The following DYM variants were observed in gnomAD, a reference collection of about 807,000 sequenced individuals.
DYM encodes the protein dymeclin.
Under a neutral mutation model 93.1 loss-of-function variants are expected in DYM, and 78 were observed. That is an observed-to-expected ratio of 0.84 (90% confidence interval 0.70 to 1.01). DYM has a LOEUF of 1.01. Ranked by LOEUF, DYM falls within the 50% of genes least tolerant of loss-of-function variation. The pLI is 0.00. For missense variants in DYM, 789 were observed against 845.0 expected (o/e 0.93, Z 0.82); for synonymous variants, 321 against 319.7 (o/e 1.00, Z -0.04).
intron 2 of DYM, among the ~76,000 whole-genome samples, chr18:49,394,404 C>G (rs566924577): frequency 1.3e-5 from 2 of 152,120 alleles, no homozygotes; most frequent in South Asian, 4.2e-4. Context: ...TTTTTTTATA[C>G]CAGTACCATG....
chr18:49,451,396 A>G (rs1451209805), intron 1 of DYM, among the ~76,000 whole-genome samples: 1 of 152,174 alleles, frequency 6.6e-6, no homozygotes, highest in African/African-American at 2.4e-5. Flanking sequence ...CAGAGCTGAA[A>G]AAGCCCCATG....
At chr18:49,346,317 T>C (rs1353600613) in intron 6 of DYM, among the ~76,000 whole-genome samples, 1 of 152,210 alleles carries the variant, frequency 6.6e-6, no homozygotes, top group Non-Finnish European at 1.5e-5. Flanking sequence ...TACTGGTACA[T>C]ATTATATAAC....
chr18:49,052,748 C>T (rs1328967668), intron 17 of DYM, among the ~76,000 whole-genome samples: 4 of 152,222 alleles, frequency 2.6e-5, no homozygotes, highest in African/African-American at 9.6e-5. Flanking sequence ...TCTAAGAACC[C>T]CTTTGGGCTC....
chr18:49,342,403 C>T (rs1009830735), intron 6 of DYM, among the ~76,000 whole-genome samples: 1 of 150,284 alleles, frequency 6.7e-6, no homozygotes, highest in Non-Finnish European at 1.5e-5. Context: ...TCTACAACAT[C>T]ACTTTTGACA....
At chr18:49,277,188 G>C (rs137926081) in intron 10 of DYM, among the ~76,000 whole-genome samples, 2 of 152,260 alleles carry the variant, frequency 1.3e-5, no homozygotes, top group African/African-American at 4.8e-5. Context: ...ATGGATATGA[G>C]ATACAGGTAA....
At chr18:49,201,104 A>T (rs922701362) in intron 14 of DYM, among the ~76,000 whole-genome samples, 2 of 152,192 alleles carry the variant, frequency 1.3e-5, no homozygotes, top group African/African-American at 4.8e-5. Flanking sequence ...TGATTACACA[A>T]AGCTTTTAAT....
intron 8 of DYM, among the ~76,000 whole-genome samples, chr18:49,329,991 T>C (rs1474158211): frequency 1.3e-5 from 2 of 152,240 alleles, no homozygotes; most frequent in Non-Finnish European, 2.9e-5. Context: ...CTTGATTGAC[T>C]TTCCTGGAAT....
intron 10 of DYM, among the ~76,000 whole-genome samples, chr18:49,278,935 C>T (rs1410651400): frequency 6.6e-6 from 1 of 152,166 alleles, no homozygotes; most frequent in Non-Finnish European, 1.5e-5. Flanking sequence ...AAATGTCTAG[C>T]TGCTTTTCTT....
In DYM at chr18:49,101,825, T is replaced by C. The variant is rs936593246; in HGVS notation, c.1912-4310A>G. On this transcript the variant is annotated intron_variant, in intron 16 of 17. Transcript: ENST00000675505. ...CAGGGAAATAAATAGATGATACCAT[T>C]TTCTCTCTTGAAGAAAGACACAGTG... is the stretch of plus-strand genomic sequence containing the variant. Among the ~76,000 whole-genome samples, 20 of 152,158 alleles carry C rather than the reference T, an allele frequency of 1.3e-4. No homozygotes were observed. The East Asian group carries it at 3.8e-3, about 29-fold the overall frequency.
chr18:49,044,203 T>A lies in DYM; in HGVS notation c.2027A>T (p.Lys676Ile). 1 of 1,614,116 alleles carries A rather than the reference T, an allele frequency of 6.2e-7. No individual in the cohort carries two copies. Among genetic ancestry groups the A allele is most frequent in the Non-Finnish European group, 8.5e-7 (1 of 1,180,020 alleles). Reference protein sequence around the residue: ...VVALPKDRLKKFPELKFKYVE... With the variant: ...VVALPKDRLKIFPELKFKYVE... ...ATATTTGAATTTCAATTCTGGAAAT[T>A]TCTGCAATGAAAATAAGATGATTTT... The change falls in exon 18 of 18, where the codon AAA (lysine) becomes ATA (isoleucine). Residue 676 changes from lysine to isoleucine, a missense_variant and splice_region_variant. This residue lies in a region of DYM where 114 missense variants were observed against 105.8 expected (regional missense o/e 1.08). Coordinates refer to ENST00000675505, the MANE Select transcript of DYM (RefSeq NM_001353214.3).
rs61299099 is a variant in DYM, at chr18:49,166,989, CGTGTGTGTGTGTGTGTGTGTGT to C, written c.1626-3224_1626-3203del. Among the ~76,000 whole-genome samples the C allele has an allele frequency of 3.5e-5, 5 of 141,924 alleles. No homozygotes were observed. In the East Asian group the frequency reaches 8.5e-4, roughly 24 times the overall value. 93.1% of individuals were successfully genotyped at this position (141,924 alleles called of 152,430 possible). A position where few individuals can be genotyped will look rare whatever the true frequency, so the allele number is the denominator to read the frequency against. ...ACCTGGGATGTTCATTCTCACATTC[CGTGTGTGTGTGTGTGTGTGTGT>C]GTGTGTGTGTGTGTGTGTGTGTGCG... is the stretch of plus-strand genomic sequence containing the variant. On this transcript the variant is annotated intron_variant, in intron 14 of 17. Coordinates refer to ENST00000675505, the MANE Select transcript of DYM (RefSeq NM_001353214.3).
At chr18:49,216,668 C>T (rs2093065989) in intron 13 of DYM, among the ~76,000 whole-genome samples, 1 of 152,166 alleles carries the variant, frequency 6.6e-6, no homozygotes, top group East Asian at 1.9e-4. Flanking sequence ...CTCTAGCAAA[C>T]TCCAACAGAC....
intron 16 of DYM, among the ~76,000 whole-genome samples, chr18:49,103,327 G>C (rs28831445): frequency 1.3e-5 from 2 of 151,964 alleles, no homozygotes; most frequent in Non-Finnish European, 2.9e-5. Context: ...TTGTCAGATG[G>C]GTAGATGGCA....
At chr18:49,459,498 C>A (rs1204073002) in intron 1 of DYM, among the ~76,000 whole-genome samples, 1 of 152,108 alleles carries the variant, frequency 6.6e-6, no homozygotes, top group Non-Finnish European at 1.5e-5. Context: ...AGCCTAAGCA[C>A]CTGAGTTCCT....
intron 1 of DYM, among the ~76,000 whole-genome samples, chr18:49,459,682 T>C (rs1229285769): frequency 6.6e-6 from 1 of 152,138 alleles, no homozygotes; most frequent in African/African-American, 2.4e-5. Flanking sequence ...TGCTGGCCGA[T>C]TACAATCATC....
chr18:49,423,361 A>C (rs899452188), intron 2 of DYM, among the ~76,000 whole-genome samples: 1 of 152,264 alleles, frequency 6.6e-6, no homozygotes, highest in Non-Finnish European at 1.5e-5. Flanking sequence ...ACAAAGACAC[A>C]ACATACCAGA....
In DYM at chr18:49,379,776, G is replaced by A; in HGVS notation, c.194-18C>T. 1 of 1,570,786 alleles carries A rather than the reference G, an allele frequency of 6.4e-7. No individual in the cohort carries two copies. Among genetic ancestry groups the A allele is most frequent in the Non-Finnish European group, 8.8e-7 (1 of 1,141,376 alleles). ...GTTTTCAACTGCAAGAGAAGAAAAG[G>A]TTTTAAAAAGTTAAATTTAAGAACT... On this transcript the variant is annotated intron_variant, in intron 3 of 17. Coordinates refer to ENST00000675505, the MANE Select transcript of DYM (RefSeq NM_001353214.3).
At chr18:49,272,067 C>A in intron 11 of DYM, 111 bp downstream of exon 11, 18 of 749,924 alleles carry the variant, frequency 2.4e-5, no homozygotes, top group Admixed American at 4.8e-5. Flanking sequence ...ATTTCTAATA[C>A]AGGTTCTCAC....
chr18:49,091,526 GA>G (rs1249409314), intron 17 of DYM, among the ~76,000 whole-genome samples: 2 of 152,074 alleles, frequency 1.3e-5, no homozygotes, highest in African/African-American at 4.8e-5. Flanking sequence ...GGTGTGTTTG[GA>G]GCAATTACCT....
Sources: allele counts gnomAD v4.1 joint callset (sites outside exome capture counted in the v4.1 genomes callset), GRCh38; gene constraint gnomAD v4.1.1; regional missense constraint gnomAD v4.1.1; transcripts MANE v1.5; gene names NCBI Gene and HGNC (gene_info 2026-07-23, HGNC 2026-07-21).